CACNA1F: variants seen among roughly 807,000 people sequenced by gnomAD.
The protein encoded by CACNA1F is calcium voltage-gated channel subunit alpha1 F.
A neutral mutation model predicts 143.8 loss-of-function variants in CACNA1F; 59 were observed. The observed-to-expected ratio is 0.41, with a 90% confidence interval of 0.33 to 0.51. The LOEUF (loss-of-function observed/expected upper bound fraction) is 0.51. CACNA1F is among the 20% of genes least tolerant of loss of function. CACNA1F has a pLI of 0.22. For synonymous variants in CACNA1F, 643 were observed against 649.1 expected (o/e 0.99, Z 0.14); for missense variants, 1,411 against 1,647.5 (o/e 0.86, Z 2.48).
chrX:49,207,671 C>T (rs1316236042), intron 43 of CACNA1F, among the ~76,000 whole-genome samples: 2 of 110,078 alleles, frequency 1.8e-5, no homozygotes, highest in Non-Finnish European at 3.8e-5. Context: ...CTCAAGCGAT[C>T]CTCCCACCTT....
chrX:49,207,739 ACT>A (rs1448722014), intron 43 of CACNA1F, among the ~76,000 whole-genome samples: 2 of 109,843 alleles, frequency 1.8e-5, no homozygotes, highest in African/African-American at 3.3e-5. Flanking sequence ...CAAGCTAGAC[ACT>A]CTGAAATTTT....
intron 46 of CACNA1F, 66 bp from the exon 47 acceptor site, chrX:49,205,879 C>A: frequency 2.1e-6 from 2 of 955,927 alleles, no homozygotes; most frequent in Non-Finnish European, 2.9e-6. Flanking sequence ...TAGGACTCAC[C>A]GCTGTGCCTA....
intron 19 of CACNA1F, among the ~76,000 whole-genome samples, chrX:49,220,004 G>A (rs1557108475): frequency 8.9e-6 from 1 of 111,968 alleles, no homozygotes; most frequent in African/African-American, 3.3e-5. Flanking sequence ...TGTGTTGAAA[G>A]AATGTTGTAT....
In CACNA1F at chrX:49,222,699, C is replaced by T. The variant is rs782372688; in HGVS notation, c.2206+19G>A. ...CCCCGACTCCACCATCATCCAGCCC[C>T]ACAAAGCTCCAAGGATACAGTTGCC... On this transcript the variant is annotated intron_variant, in intron 16 of 47. Transcript: ENST00000323022. The T allele has an allele frequency of 5.0e-6, 6 of 1,209,656 alleles. No individual in the cohort carries two copies. In the Admixed American group the frequency reaches 8.7e-5, roughly 18 times the overall value.
At position 49,216,454 on chromosome X, in the gene CACNA1F, T is replaced by C. The variant is rs1557107422; in HGVS notation, c.3164A>G (p.Asp1055Gly). Residue 1055 changes from aspartate (D) to glycine (G), a missense_variant, in exon 27 of 48, where the codon GAT becomes GGT. Physicochemically the swap from Asp to Gly is moderately conservative, Grantham distance 94 (BLOSUM62 -1). This residue lies in a region of CACNA1F where 950 missense variants were observed against 1,128.1 expected (regional missense o/e 0.84). Coordinates refer to ENST00000323022, the MANE Select transcript of CACNA1F (RefSeq NM_001256789.3). Reference protein sequence around the residue: ...LVRERLWVNSDFNFDNVLSAM... With the variant: ...LVRERLWVNSGFNFDNVLSAM... ...TGAAAGGACATTGTCAAAGTTGAAA[T>C]CACTGTTGACCCAGAGCCGCTCCCG... 8.3e-7 allele frequency: 1 copy of C among 1,206,771 alleles called. No individual in the cohort carries two copies. The highest frequency in any genetic ancestry group is 3.0e-5 in the East Asian group (1 of 33,733).
At position 49,219,736 on chromosome X, in the gene CACNA1F, T is replaced by G; in HGVS notation, c.2441A>C (p.Glu814Ala). Reference protein sequence around the residue: ...EEEEEEEEEEEGAGGVELLQE... With the variant: ...EEEEEEEEEEAGAGGVELLQE... ...CAGGAGTTCCACACCCCCTGCACCCTCTTCCTCTTCTTCCTCTTCTTCCTC... is the reference window on the plus strand; with the variant it reads ...CAGGAGTTCCACACCCCCTGCACCCGCTTCCTCTTCTTCCTCTTCTTCCTC... The change falls in exon 20 of 48, where the codon GAG (glutamate) becomes GCG (alanine). Residue 814 changes from glutamate to alanine, a missense_variant. Glu to Ala is a moderately radical substitution (Grantham distance 107). Coordinates refer to ENST00000323022, the MANE Select transcript of CACNA1F (RefSeq NM_001256789.3). 9.3e-7 allele frequency: 1 copy of G among 1,070,586 alleles called. No homozygotes were observed. The highest frequency in any genetic ancestry group is 1.3e-6 in the Non-Finnish European group (1 of 789,462). The allele number at this position is 1,070,586 out of a possible 1,213,427, so 88.2% of individuals were successfully genotyped here.
rs782187920 is a variant in CACNA1F, at chrX:49,212,737, C to T, written c.3872G>A (p.Arg1291Gln). The change falls in exon 33 of 48, where the codon CGG (arginine) becomes CAG (glutamine). Residue 1291 changes from arginine (R) to glutamine (Q), a missense_variant. Coordinates refer to ENST00000323022, the MANE Select transcript of CACNA1F (RefSeq NM_001256789.3). ...ACCCTTACTGAGAAGCTTGACCAGC[C>T]GCATAACTCGGAAGAGGCGAAAGAA... ...ITFFRLFRVMRLVKLLSKGEG... is the reference protein window; with the variant it reads ...ITFFRLFRVMQLVKLLSKGEG... 4 of 1,207,042 alleles carry T rather than the reference C, an allele frequency of 3.3e-6. No homozygotes were observed. Among genetic ancestry groups the T allele is most frequent in the East Asian group, 5.9e-5 (2 of 33,740 alleles).
At position 49,224,661 on chromosome X, in the gene CACNA1F, C is replaced by T. The variant is rs868956117; in HGVS notation, c.1877+100G>A. On this transcript the variant is annotated intron_variant, in intron 14 of 47. Transcript: ENST00000323022. ...ACAGCAGGCACTCAATGGATGTCTG[C>T]TCAATGAATGGTGAAGCAGATGAAG... is the stretch of plus-strand genomic sequence containing the variant. 176 of 583,118 alleles carry T rather than the reference C, an allele frequency of 3.0e-4. No homozygotes were observed. In the African/African-American group the frequency reaches 3.4e-3, roughly 11 times the overall value. 48.1% of individuals were successfully genotyped at this position (583,118 alleles called of 1,213,427 possible).
Position 49,230,240 on chromosome X carries a change from G to A in CACNA1F, c.797C>T (p.Thr266Met). The part of the protein sequence containing the change: ...LELFLGRMHK[T>M]CYFLGSDMEA... The stretch of plus-strand genomic sequence containing the variant: ...CTAACCGGATCCCAGGAAGTAGCAC[G>A]TCTTGTGCATTCGTCCAAGGAACAG... The change falls in exon 6 of 48, where the codon ACG becomes ATG. Residue 266 changes from threonine (T) to methionine (M), a missense_variant. This residue lies in a region of CACNA1F where 950 missense variants were observed against 1,128.1 expected (regional missense o/e 0.84). Coordinates refer to ENST00000323022, the MANE Select transcript of CACNA1F (RefSeq NM_001256789.3). 1 of 1,206,196 alleles carries A rather than the reference G, an allele frequency of 8.3e-7. No homozygotes were observed. The highest frequency in any genetic ancestry group is 1.1e-6 in the Non-Finnish European group (1 of 892,187).
chrX:49,208,411 G>GGCCTCCCCC, intron 43 of CACNA1F, 104 bp downstream of exon 43: 1 of 414,484 alleles, frequency 2.4e-6, no homozygotes, highest in Non-Finnish European at 4.3e-6. Context: ...AGGCCTCTAG[G>GGCCTCCCCC]CCCTCCCTCC....
intron 29 of CACNA1F, 122 bp from the exon 30 acceptor site, chrX:49,214,391 A>G: frequency 1.9e-6 from 1 of 521,026 alleles, no homozygotes. Flanking sequence ...TATTGGTCAA[A>G]CCTCTTGCAC....
rs1557111282 is a variant in CACNA1F at position 49,231,167 on chromosome X, T to A, written c.381+35A>T. 5.0e-6 allele frequency: 5 copies of A among 993,738 alleles called. No individual in the cohort carries two copies. The South Asian group carries it at 1.0e-4, about 20-fold the overall frequency. 81.9% of individuals were successfully genotyped at this position (993,738 alleles called of 1,213,427 possible). A position where few individuals can be genotyped will look rare whatever the true frequency, so the allele number is the denominator to read the frequency against. On this transcript the variant is annotated intron_variant, in intron 3 of 47. Transcript: ENST00000323022. ...GAGTGAGCTCTACTGGGGCTCTATT[T>A]GGCTGGGAACTGGCTGGGGCGGGGC... is the stretch of plus-strand genomic sequence containing the variant.
chrX:49,214,333 A>C, intron 29 of CACNA1F, 64 bp from the exon 30 acceptor site: 1 of 683,949 alleles, frequency 1.5e-6, no homozygotes, highest in Non-Finnish European at 2.4e-6. Flanking sequence ...CCAACCAAAT[A>C]TTCCCTGGCC....
Position 49,226,673 on chromosome X carries a change from T to G in CACNA1F, c.1306A>C (p.Arg436=). The G allele has an allele frequency of 8.5e-7, 1 of 1,181,636 alleles. No individual in the cohort carries two copies. The highest frequency in any genetic ancestry group is 1.1e-6 in the Non-Finnish European group (1 of 880,177). The change falls in exon 10 of 48, where the codon AGG becomes CGG. Residue 436 remains arginine, a synonymous_variant. Transcript: ENST00000323022. ...GPQLAELTNR[R]RGRLRWFSHS... is the part of the protein sequence containing the mutation. ...CTGAACCAGCGCAGACGTCCACGCCTCCTATTGGTCAGCTCGGCCAGCTGT... is the reference window on the plus strand; with the variant it reads ...CTGAACCAGCGCAGACGTCCACGCCGCCTATTGGTCAGCTCGGCCAGCTGT...
At chrX:49,211,285 G>A (rs782074650) in intron 36 of CACNA1F, 37 bp downstream of exon 36, 65 of 1,202,577 alleles carry the variant, frequency 5.4e-5, no homozygotes, top group Middle Eastern at 4.7e-4. Context: ...GCCAGCCCCC[G>A]TGACGGTGGT....
chrX:49,226,251 A>G lies in CACNA1F; in HGVS notation c.1464-8T>C. 1.7e-6 allele frequency: 2 copies of G among 1,205,139 alleles called. No homozygotes were observed. The highest frequency in any genetic ancestry group is 2.2e-6 in the Non-Finnish European group (2 of 889,564). On this transcript the variant is annotated splice_region_variant and splice_polypyrimidine_tract_variant and intron_variant, in intron 11 of 47. Transcript: ENST00000323022. The stretch of plus-strand genomic sequence containing the variant: ...GTTTTCATGATCTTGTTTCTGAAAA[A>G]GAAGGGGGATGGGAGGTGTGTGTCG...
intron 6 of CACNA1F, among the ~76,000 whole-genome samples, chrX:49,229,779 G>T (rs1239110271): frequency 2.7e-5 from 3 of 109,680 alleles, no homozygotes; most frequent in Admixed American, 9.5e-5. Flanking sequence ...CTCCCGAGTA[G>T]CTGGGACTAC....
intron 7 of CACNA1F, 36 bp from the exon 8 acceptor site, chrX:49,228,175 G>A (rs781977127): frequency 4.3e-6 from 5 of 1,175,057 alleles, no homozygotes; most frequent in Non-Finnish European, 5.8e-6. Context: ...CTCAGGGTAG[G>A]CAGACACTCC....
chrX:49,225,073 C>T (rs979058844), intron 13 of CACNA1F, 87 bp from the exon 14 acceptor site: 40 of 602,226 alleles, frequency 6.6e-5, no homozygotes, highest in Admixed American at 5.3e-5. Flanking sequence ...GGGTGACCCA[C>T]GGTAGCTGGT....
Sources: allele counts gnomAD v4.1 joint callset (sites outside exome capture counted in the v4.1 genomes callset), GRCh38; gene constraint gnomAD v4.1.1; regional missense constraint gnomAD v4.1.1; transcripts MANE v1.5; gene names NCBI Gene and HGNC (gene_info 2026-07-23, HGNC 2026-07-21).